The following ATP13A4 variants were observed in gnomAD, a reference collection of about 807,000 sequenced individuals.
ATP13A4 encodes the protein ATPase 13A4.
In ATP13A4, 114 loss-of-function variants were observed where a neutral mutation model predicts 142.5. The observed-to-expected ratio is 0.80, with a 90% CI of 0.69 to 0.93. The LOEUF (loss-of-function observed/expected upper bound fraction) is 0.93, where lower values mean the gene tolerates loss of function less well. Among genes scored for constraint, ATP13A4 ranks in the 40% least tolerant of loss-of-function variants. The pLI is 0.00. For missense variants in ATP13A4, 1,392 were observed against 1,454.0 expected, an observed-to-expected ratio of 0.96 and a Z score of 0.69; for synonymous variants, 488 against 514.8, an observed-to-expected ratio of 0.95 and a Z score of 0.70.
intron 1 of ATP13A4, among the ~76,000 whole-genome samples, chr3:193,524,425 T>G (rs1721890778): frequency 6.6e-6 from 1 of 152,216 alleles, no homozygotes; most frequent in Admixed American, 6.5e-5. Flanking sequence ...GCTGGAGAAC[T>G]GGTTGGTGTC....
At position 193,456,876 on chromosome 3, in the gene ATP13A4, A is replaced by G. The variant is rs1576982903; in HGVS notation, c.1915+124T>C. 5 of 1,177,962 alleles carry G rather than the reference A, an allele frequency of 4.2e-6. No individual in the cohort carries two copies. The East Asian group carries it at 1.3e-4, about 31-fold the overall frequency. 73.0% of individuals were successfully genotyped at this position (1,177,962 alleles called of 1,614,324 possible). A position where few individuals can be genotyped will look rare whatever the true frequency, so the allele number is the denominator to read the frequency against. ...GCTTGGTTTTCGTATTGAATTTGGA[A>G]TGCCAGTGAGCCACCCAATTGGTGA... On this transcript the variant is annotated intron_variant, in intron 16 of 29. Transcript: ENST00000342695.
At position 193,402,688 on chromosome 3, in the gene ATP13A4, G is replaced by A. The variant is rs767671256; in HGVS notation, c.3555C>T (p.Ser1185=). ...MPECGRGVSY[S]NPVFESNEEQ... is the part of the protein sequence containing the mutation. ...CTTCATTGCTCTCAAATACTGGATT[G>A]CTGTAAGACACTCCTCTGCCACACT... is the stretch of plus-strand genomic sequence containing the variant. Residue 1185 remains serine (S), a synonymous_variant, in exon 30 of 30, where the codon AGC becomes AGT. Transcript: ENST00000342695. 4 of 1,156,874 alleles carry A rather than the reference G, an allele frequency of 3.5e-6. No homozygotes were observed. In the African/African-American group the frequency reaches 6.1e-5, roughly 18 times the overall value. The allele number at this position is 1,156,874 out of a possible 1,614,324, so 71.7% of individuals were successfully genotyped here.
At chr3:193,573,287 A>ATG (rs1290258829) in intron 2 of ATP13A4, among the ~76,000 whole-genome samples, 938 of 81,130 alleles carry the variant, frequency 0.012, 27 homozygotes, top group African/African-American at 0.054. Context: ...ATATATATAT[A>ATG]TACACATATA....
chr3:193,437,150 G>A (rs902809176), intron 23 of ATP13A4, among the ~76,000 whole-genome samples: 1 of 145,012 alleles, frequency 6.9e-6, no homozygotes, highest in African/African-American at 2.5e-5. Flanking sequence ...GTTTTTTTCT[G>A]TATCAGAGTT....
chr3:193,542,486 A>G (rs2108717992), intron 1 of ATP13A4, among the ~76,000 whole-genome samples: 1 of 152,162 alleles, frequency 6.6e-6, no homozygotes, highest in East Asian at 1.9e-4. Context: ...TAAAATTTAT[A>G]TGGTACCCAA....
At chr3:193,570,534 A>C (rs1724237403) in intron 2 of ATP13A4, among the ~76,000 whole-genome samples, 2 of 152,186 alleles carry the variant, frequency 1.3e-5, no homozygotes, top group Admixed American at 6.5e-5. Context: ...ATCATTGACA[A>C]ATCAGAAGGG....
At position 193,402,170 on chromosome 3, in the gene ATP13A4, T is replaced by G. The variant is rs1714285657; in HGVS notation, c.*482A>C. 6.3e-6 allele frequency: 1 copy of G among 158,250 alleles called. No individual in the cohort carries two copies. Among genetic ancestry groups the G allele is most frequent in the Non-Finnish European group, 1.4e-5 (1 of 71,534 alleles). 9.8% of individuals were successfully genotyped at this position (158,250 alleles called of 1,614,324 possible). On this transcript the variant is annotated 3_prime_UTR_variant, in exon 30 of 30. Transcript: ENST00000342695. ...GAAACAGAAGAAAAAGCCTCAAATC[T>G]GAAAAGTACTACAGAGAAAAGGAAC...
intron 1 of ATP13A4, among the ~76,000 whole-genome samples, chr3:193,582,532 ATAT>A (rs1318109698): frequency 4.4e-5 from 6 of 135,618 alleles, no homozygotes; most frequent in Admixed American, 4.0e-4. Context: ...TGTACATTAT[ATAT>A]TATTACATAT....
At chr3:193,490,173 C>T (rs1719870465) in intron 6 of ATP13A4, among the ~76,000 whole-genome samples, 2 of 152,122 alleles carry the variant, frequency 1.3e-5, no homozygotes, top group Admixed American at 6.6e-5. Flanking sequence ...GCCACAGACC[C>T]AAGACTTAAA....
chr3:193,550,931 T>C (rs994550968), intron 1 of ATP13A4, among the ~76,000 whole-genome samples: 7 of 152,192 alleles, frequency 4.6e-5, no homozygotes, highest in African/African-American at 1.7e-4. Context: ...TGGTTCTAAA[T>C]TCCTTCAAAA....
chr3:193,559,631 C>T (rs1175992740), upstream of ATP13A4, among the ~76,000 whole-genome samples: 2 of 152,102 alleles, frequency 1.3e-5, no homozygotes, highest in South Asian at 2.1e-4. Flanking sequence ...TACAAAGATC[C>T]AGGGACTCCC....
At chr3:193,458,957 T>C in intron 14 of ATP13A4, 124 bp downstream of exon 14, 1 of 1,368,280 alleles carries the variant, frequency 7.3e-7, no homozygotes, top group Non-Finnish European at 1.0e-6. Flanking sequence ...GGTTTGCCCT[T>C]CACTACCAAA....
intron 7 of ATP13A4, among the ~76,000 whole-genome samples, chr3:193,484,892 T>G (rs1055697378): frequency 4.2e-4 from 63 of 151,348 alleles, no homozygotes; most frequent in African/African-American, 1.5e-3. Flanking sequence ...GAAGAAAAAA[T>G]AAAGTACTTT....
intron 8 of ATP13A4, among the ~76,000 whole-genome samples, chr3:193,482,748 C>T (rs112829168): frequency 2.6e-4 from 40 of 152,248 alleles, no homozygotes; most frequent in African/African-American, 8.9e-4. Context: ...AGTAACCATA[C>T]CAAGTGTTGT....
chr3:193,428,400 A>T (rs1181327578), intron 25 of ATP13A4, among the ~76,000 whole-genome samples: 4 of 152,188 alleles, frequency 2.6e-5, no homozygotes, highest in Non-Finnish European at 5.9e-5. Flanking sequence ...TCAAGGATCC[A>T]GAACTAGAAA....
rs372583797 is a variant in ATP13A4 at position 193,414,766 on chromosome 3, G to A, written c.2843-16C>T. On this transcript the variant is annotated splice_polypyrimidine_tract_variant and intron_variant, in intron 25 of 29. Transcript: ENST00000342695. ...TTCAGATTCACTATAAAATAAATTCGAATTTTATATTTATGAGAGCAGGAA... is the reference window on the plus strand; with the variant it reads ...TTCAGATTCACTATAAAATAAATTCAAATTTTATATTTATGAGAGCAGGAA... 3.8e-5 allele frequency: 62 copies of A among 1,612,306 alleles called. No individual in the cohort carries two copies. The highest frequency in any genetic ancestry group is 3.5e-4 in the African/African-American group (26 of 74,958).
intron 26 of ATP13A4, among the ~76,000 whole-genome samples, chr3:193,413,736 T>C (rs1379589767): frequency 2.6e-5 from 4 of 152,144 alleles, no homozygotes; most frequent in Non-Finnish European, 4.4e-5. Flanking sequence ...CCTGGTGAAT[T>C]TGAGGTCAGA....
chr3:193,483,978 C>A lies in ATP13A4; in HGVS notation c.766G>T (p.Glu256Ter). 1.2e-6 allele frequency: 2 copies of A among 1,610,010 alleles called. No homozygotes were observed. The highest frequency in any genetic ancestry group is 1.7e-6 in the Non-Finnish European group (2 of 1,176,608). The change falls in exon 8 of 30, where the codon GAG becomes TAG. Residue 256 changes from glutamate (E) to a stop codon, truncating the protein, a stop_gained. Coordinates refer to ENST00000342695, the MANE Select transcript of ATP13A4 (RefSeq NM_032279.4). LOFTEE classifies it high-confidence loss of function. ...EQSVKLHHLV[E>*]SHNSITVSVC... The stretch of plus-strand genomic sequence containing the variant: ...GAGACCGTAATGCTATTATGTGACT[C>A]GACGAGATGGTGGAGTTTTACAGAT...
intron 22 of ATP13A4, among the ~76,000 whole-genome samples, 157 bp from the exon 23 acceptor site, chr3:193,438,741 G>T (rs1056636015): frequency 6.6e-5 from 10 of 152,156 alleles, no homozygotes; most frequent in African/African-American, 2.4e-4. Flanking sequence ...GAAAAAGATG[G>T]CATTAGGATA....
Sources: allele counts gnomAD v4.1 joint callset (sites outside exome capture counted in the v4.1 genomes callset), GRCh38; gene constraint gnomAD v4.1.1; transcripts MANE v1.5; gene names NCBI Gene and HGNC (gene_info 2026-07-23, HGNC 2026-07-21).